Variants in DSE observed in about 807,000 individuals in gnomAD.
DSE encodes dermatan sulfate epimerase, also known as dermatan-sulfate epimerase.
A neutral mutation model predicts 84.4 loss-of-function variants in DSE; 36 were observed. That is an observed-to-expected ratio of 0.43 (90% CI 0.33 to 0.56). The LOEUF (loss-of-function observed/expected upper bound fraction) is 0.56. Ranked by LOEUF, DSE falls within the 20% of genes least tolerant of loss-of-function variation. The probability of loss-of-function intolerance (pLI) is 0.06; values close to 1 mark genes in which losing one functional copy is unlikely to be tolerated. For synonymous variants in DSE, 410 were observed against 430.1 expected (o/e 0.95, Z 0.58); for missense variants, 862 against 1,169.6 (o/e 0.74, Z 3.84).
chr6:116,279,494 C>T (rs753159885), intron 2 of DSE: 1 of 1,611,456 alleles, frequency 6.2e-7, no homozygotes, highest in African/African-American at 1.3e-5. Flanking sequence ...GCCATCACCA[C>T]AGAAGCGGCT....
chr6:116,433,743 TA>T (rs898976610), intron 5 of DSE, among the ~76,000 whole-genome samples, 193 bp downstream of exon 5: 1 of 152,090 alleles, frequency 6.6e-6, no homozygotes, highest in Non-Finnish European at 1.5e-5. Context: ...TTTTCTTTTT[TA>T]AAAAAAAATT....
chr6:116,333,812 A>T (rs1402394975), intron 2 of DSE, among the ~76,000 whole-genome samples: 1 of 152,168 alleles, frequency 6.6e-6, no homozygotes, highest in Non-Finnish European at 1.5e-5. Context: ...TAAAAATATC[A>T]CTTTAATTAC....
chr6:116,350,333 ATCT>A (rs1481311125), intron 2 of DSE, among the ~76,000 whole-genome samples: 3 of 152,196 alleles, frequency 2.0e-5, no homozygotes, highest in Admixed American at 6.5e-5. Flanking sequence ...TAGAGTGGAA[ATCT>A]TCTACTTCTA....
At chr6:116,327,554 G>A (rs896103241) in intron 2 of DSE, among the ~76,000 whole-genome samples, 7 of 152,190 alleles carry the variant, frequency 4.6e-5, no homozygotes, top group African/African-American at 1.7e-4. Context: ...ATGATATGCT[G>A]AAAGAACCAC....
In DSE at chr6:116,437,406, AT is replaced by A; in HGVS notation, c.*64del. ...CACAAGAGTCTATGCAAAAAAAAAAATTTCTTTACCCCAGATTATCAGATTT... is the reference window on the plus strand; with the variant it reads ...CACAAGAGTCTATGCAAAAAAAAAAATTCTTTACCCCAGATTATCAGATTT... On this transcript the variant is annotated 3_prime_UTR_variant, in exon 6 of 6. Transcript: ENST00000644252. 2 of 1,370,440 alleles carry A rather than the reference AT, an allele frequency of 1.5e-6. No individual in the cohort carries two copies. Among genetic ancestry groups the A allele is most frequent in the Admixed American group, 2.7e-5 (1 of 37,194 alleles). The allele number at this position is 1,370,440 out of a possible 1,614,324, so 84.9% of individuals were successfully genotyped here. A position where few individuals can be genotyped will look rare whatever the true frequency, so the allele number is the denominator to read the frequency against.
intron 2 of DSE, among the ~76,000 whole-genome samples, chr6:116,340,297 T>C (rs911529456): frequency 6.6e-6 from 1 of 152,322 alleles, no homozygotes; most frequent in Non-Finnish European, 1.5e-5. Flanking sequence ...CACAGGTCTC[T>C]TTTCTTCAGC....
chr6:116,303,364 AATACAATTGTAG>A (rs947767265), intron 2 of DSE, among the ~76,000 whole-genome samples: 2 of 152,150 alleles, frequency 1.3e-5, no homozygotes, highest in Non-Finnish European at 2.9e-5. Flanking sequence ...TGCAGCACTT[AATACAATTGTAG>A]ATATTTAATA....
intron 3 of DSE, 139 bp downstream of exon 3, chr6:116,426,966 C>G (rs1783491459): frequency 4.4e-6 from 5 of 1,134,712 alleles, no homozygotes; most frequent in Non-Finnish European, 6.0e-6. Context: ...TGAAGTAGTC[C>G]CTACAGTATC....
intron 2 of DSE, among the ~76,000 whole-genome samples, chr6:116,314,552 G>A (rs1782218397): frequency 6.6e-6 from 1 of 151,964 alleles, no homozygotes; most frequent in Non-Finnish European, 1.5e-5. Flanking sequence ...CCTGACTTCT[G>A]GTCTCCTGTA....
chr6:116,435,134 A>G (rs973113513), intron 5 of DSE, among the ~76,000 whole-genome samples: 2 of 152,184 alleles, frequency 1.3e-5, no homozygotes, highest in Non-Finnish European at 2.9e-5. Flanking sequence ...AACTCTTTTC[A>G]ATACCAAACA....
intron 2 of DSE, among the ~76,000 whole-genome samples, chr6:116,275,339 T>C (rs1417831371): frequency 6.6e-6 from 1 of 152,258 alleles, no homozygotes; most frequent in Non-Finnish European, 1.5e-5. Flanking sequence ...GTTTAGACGT[T>C]TTCTAATGAC....
At chr6:116,317,239 A>G (rs772223769) in intron 2 of DSE, among the ~76,000 whole-genome samples, 8 of 152,208 alleles carry the variant, frequency 5.3e-5, no homozygotes, top group Admixed American at 2.6e-4. Context: ...TTGTACAGTC[A>G]TTGGCCGGGA....
rs1203490643 is a variant in DSE, at chr6:116,438,112, T to C, written c.*767T>C. On this transcript the variant is annotated 3_prime_UTR_variant, in exon 6 of 6. Transcript: ENST00000644252. ...ATTTTCCTTATATGGAAAACCGTTA[T>C]AGACCCAATAACAACTAAACCTTTC... 1.3e-5 allele frequency: 2 copies of C among 152,562 alleles called. No individual in the cohort carries two copies. The highest frequency in any genetic ancestry group is 4.8e-5 in the African/African-American group (2 of 41,446). 9.5% of individuals were successfully genotyped at this position (152,562 alleles called of 1,614,324 possible). A position where few individuals can be genotyped will look rare whatever the true frequency, so the allele number is the denominator to read the frequency against.
At chr6:116,374,120 T>C (rs1323673769) in intron 1 of DSE, among the ~76,000 whole-genome samples, 6 of 152,020 alleles carry the variant, frequency 3.9e-5, no homozygotes, top group Non-Finnish European at 8.8e-5. Context: ...ACTTCTGCCA[T>C]GTGTAGGCAA....
intron 1 of DSE, among the ~76,000 whole-genome samples, chr6:116,392,523 G>A (rs895472663): frequency 3.3e-5 from 5 of 152,296 alleles, no homozygotes; most frequent in Admixed American, 2.0e-4. Context: ...TGAGCTTGGC[G>A]GGTGTGGTGG....
At chr6:116,339,922 A>G (rs1047352825) in intron 2 of DSE, among the ~76,000 whole-genome samples, 1 of 152,234 alleles carries the variant, frequency 6.6e-6, no homozygotes, top group Non-Finnish European at 1.5e-5. Flanking sequence ...ATGTCTCTTT[A>G]CTGATGGACT....
intron 2 of DSE, among the ~76,000 whole-genome samples, chr6:116,274,400 C>A (rs1463800608): frequency 6.6e-6 from 1 of 151,692 alleles, no homozygotes; most frequent in Admixed American, 6.6e-5. Context: ...CATCTCTCTA[C>A]CAAAAACACA....
At chr6:116,274,092 AGT>A (rs1158751023) in intron 2 of DSE, among the ~76,000 whole-genome samples, 1 of 151,664 alleles carries the variant, frequency 6.6e-6, no homozygotes, top group Non-Finnish European at 1.5e-5. Context: ...GGCCTCCCAA[AGT>A]GCTGGGATTT....
In DSE at chr6:116,394,001, G is replaced by A. The variant is rs2114981033; in HGVS notation, c.-53-5197G>A. 2.6e-5 allele frequency among the ~76,000 whole-genome samples: 4 copies of A among 151,588 alleles called. No homozygotes were observed. In the Middle Eastern group the frequency reaches 0.014, roughly 516 times the overall value. On this transcript the variant is annotated intron_variant, in intron 1 of 5. Transcript: ENST00000644252. ...TTCTGTGCTTTCTTTGTGTAAGGAT[G>A]GCAAAAAAATGGAACTTTTAATGTT... is the stretch of plus-strand genomic sequence containing the variant.
Sources: allele counts gnomAD v4.1 joint callset (sites outside exome capture counted in the v4.1 genomes callset), GRCh38; gene constraint gnomAD v4.1.1; transcripts MANE v1.5; gene names NCBI Gene and HGNC (gene_info 2026-07-23, HGNC 2026-07-21).